PODXL: variants seen among roughly 807,000 people sequenced by gnomAD.
PODXL encodes podocalyxin like, also known as podocalyxin.
In PODXL, 20 loss-of-function variants were observed where a neutral mutation model predicts 48.9. The ratio of observed to expected loss-of-function variants is 0.41; its 90% CI spans 0.29 to 0.59. PODXL has a LOEUF of 0.59. Among genes scored for constraint, PODXL ranks in the 20% least tolerant of loss-of-function variants. The probability of loss-of-function intolerance (pLI) is 0.31; values close to 1 mark genes in which losing one functional copy is unlikely to be tolerated. For missense variants in PODXL, 606 were observed against 675.1 expected, an observed-to-expected ratio of 0.90 and a Z score of 1.13; for synonymous variants, 295 against 287.4, an observed-to-expected ratio of 1.03 and a Z score of -0.27.
intron 1 of PODXL, among the ~76,000 whole-genome samples, chr7:131,537,587 C>T (rs551065844): frequency 1.0e-4 from 2 of 19,782 alleles, no homozygotes; most frequent in Admixed American, 8.7e-4. Flanking sequence ...AGCAAGACTC[C>T]GCCCCACCCC....
intron 1 of PODXL, among the ~76,000 whole-genome samples, chr7:131,537,881 G>A (rs894908045): frequency 4.6e-5 from 7 of 152,142 alleles, no homozygotes; most frequent in Non-Finnish European, 7.3e-5. Flanking sequence ...CATCCTTCTC[G>A]TGGTGTGCGG....
chr7:131,529,988 G>A (rs912219785), intron 1 of PODXL, among the ~76,000 whole-genome samples: 30 of 127,806 alleles, frequency 2.3e-4, no homozygotes, highest in African/African-American at 7.2e-4. Context: ...GGGTATAGGC[G>A]GGGCCTTTCC....
intron 1 of PODXL, among the ~76,000 whole-genome samples, chr7:131,529,039 A>G (rs1283139725): frequency 6.6e-6 from 1 of 152,034 alleles, no homozygotes; most frequent in Non-Finnish European, 1.5e-5. Flanking sequence ...TGAGGGGCTG[A>G]TAAAGTTCAG....
chr7:131,509,880 A>C (rs962519113), intron 3 of PODXL, among the ~76,000 whole-genome samples: 5 of 152,170 alleles, frequency 3.3e-5, no homozygotes, highest in African/African-American at 9.7e-5. Context: ...CTATTTCATA[A>C]ACAAGGAAAC....
intron 1 of PODXL, among the ~76,000 whole-genome samples, chr7:131,544,659 GCACGCACGCCCTGTA>G (rs1798542067): frequency 7.3e-6 from 1 of 136,256 alleles, no homozygotes; most frequent in Non-Finnish European, 1.5e-5. Context: ...CCTGTACTAC[GCACGCACGCCCTGTA>G]CTACGCTTGG....
Position 131,544,654 on chromosome 7 carries a change from ACTACGCACGCACG to A in PODXL, c.100+11593_100+11605del, listed in dbSNP as rs1562917783. Among the ~76,000 whole-genome samples the A allele has an allele frequency of 1.7e-3, 28 of 16,678 alleles. No homozygotes were observed. The Admixed American group carries it at 0.047, about 28-fold the overall frequency. The allele number at this position is 16,678 out of a possible 152,430, so 10.9% of individuals were successfully genotyped here. On this transcript the variant is annotated intron_variant, in intron 1 of 8. Transcript: ENST00000378555. ...CAGGGCCTCCGCACGCACGCCCTGT[ACTACGCACGCACG>A]CCCTGTACTACGCTTGGCAGTGCCC...
chr7:131,517,821 C>T (rs1241364631), intron 1 of PODXL, among the ~76,000 whole-genome samples: 1 of 152,074 alleles, frequency 6.6e-6, no homozygotes, highest in African/African-American at 2.4e-5. Context: ...TCACTGCAAC[C>T]TCCGCTTTGT....
intron 1 of PODXL, among the ~76,000 whole-genome samples, chr7:131,547,044 A>G (rs930511435): frequency 2.0e-5 from 3 of 152,120 alleles, no homozygotes; most frequent in African/African-American, 7.2e-5. Context: ...GGGTCTGTTG[A>G]CTCACACTGG....
At chr7:131,509,115 G>A (rs1797864127) in intron 4 of PODXL, 87 bp from the exon 5 acceptor site, 3 of 1,217,762 alleles carry the variant, frequency 2.5e-6, no homozygotes, top group East Asian at 4.6e-5. Context: ...ACCCAGATAG[G>A]AAAGAGTTCA....
intron 1 of PODXL, among the ~76,000 whole-genome samples, chr7:131,515,274 CTTTG>C (rs1462519407): frequency 6.6e-6 from 1 of 152,168 alleles, no homozygotes; most frequent in Non-Finnish European, 1.5e-5. Context: ...CAAGGAGTCT[CTTTG>C]TTTGCAGCTG....
chr7:131,533,547 G>C (rs1295763191), intron 1 of PODXL, among the ~76,000 whole-genome samples: 1 of 152,218 alleles, frequency 6.6e-6, no homozygotes, highest in East Asian at 1.9e-4. Flanking sequence ...CCAGCGATGG[G>C]GAAGGGCAGC....
intron 7 of PODXL, 48 bp downstream of exon 7, chr7:131,506,212 C>A: frequency 1.2e-6 from 2 of 1,601,302 alleles, no homozygotes; most frequent in Non-Finnish European, 1.7e-6. Flanking sequence ...AGACCTCCCA[C>A]AAGGGGCTTC....
chr7:131,506,222 C>G (rs769741420), intron 7 of PODXL, 38 bp downstream of exon 7: 5 of 1,607,194 alleles, frequency 3.1e-6, no homozygotes, highest in Non-Finnish European at 4.3e-6. Flanking sequence ...CAAGGGGCTT[C>G]GGAGCCACTC....
chr7:131,524,347 AAC>A (rs1222175582), intron 1 of PODXL, among the ~76,000 whole-genome samples: 3 of 59,178 alleles, frequency 5.1e-5, no homozygotes, highest in African/African-American at 8.6e-5. Flanking sequence ...TTCAATAGGA[AAC>A]ACACACACAC....
At chr7:131,550,800 C>A (rs760577082) in intron 1 of PODXL, among the ~76,000 whole-genome samples, 19 of 151,290 alleles carry the variant, frequency 1.3e-4, no homozygotes, top group Non-Finnish European at 2.5e-4. Flanking sequence ...CACACACACA[C>A]GCACACACAC....
intron 1 of PODXL, among the ~76,000 whole-genome samples, chr7:131,524,390 A>AGAGAGAGAGAGAGAGT (rs1798145369): frequency 1.4e-5 from 2 of 138,014 alleles, no homozygotes; most frequent in Non-Finnish European, 3.2e-5. Flanking sequence ...AGAGAGAGAG[A>AGAGAGAGAGAGAGAGT]GAGAGAGAGA....
chr7:131,509,461 G>A lies in PODXL; in HGVS notation c.927C>T (p.Thr309=), dbSNP rs1380777759. Residue 309 remains threonine (T), a synonymous_variant, in exon 4 of 9, where the codon ACC becomes ACT. Coordinates refer to ENST00000378555, the MANE Select transcript of PODXL (RefSeq NM_001018111.3). ...TSPATALRTP[T]LPETMSSSPT... ...GGCTGGAGCTCATGGTCTCTGGCAG[G>A]GTAGGTGTTCTCAATGCCGTTGCCG... 5.0e-6 allele frequency: 8 copies of A among 1,613,976 alleles called. No homozygotes were observed. Among genetic ancestry groups the A allele is most frequent in the Non-Finnish European group, 6.8e-6 (8 of 1,179,994 alleles).
intron 1 of PODXL, among the ~76,000 whole-genome samples, chr7:131,517,430 G>A (rs573397848): frequency 2.0e-5 from 3 of 152,342 alleles, no homozygotes; most frequent in African/African-American, 7.2e-5. Flanking sequence ...CACAACGATA[G>A]AGAACGCAGC....
Position 131,554,691 on chromosome 7 carries a change from C to A in PODXL, c.100+1569G>T, listed in dbSNP as rs113610493. 2.1e-3 allele frequency among the ~76,000 whole-genome samples: 317 copies of A among 152,292 alleles called. 4 individuals are homozygous for A. Among genetic ancestry groups the A allele is most frequent in the Middle Eastern group, 6.8e-3 (2 of 294 alleles). On this transcript the variant is annotated intron_variant, in intron 1 of 8. Transcript: ENST00000378555. Reference sequence around the variant, plus strand: ...TTGTCCCACAGTGCCTCCCACTCCTCAAAGGAAGGGTGGCTCAGCTTCCTT... The same window carrying A: ...TTGTCCCACAGTGCCTCCCACTCCTAAAAGGAAGGGTGGCTCAGCTTCCTT...
Sources: allele counts gnomAD v4.1 joint callset (sites outside exome capture counted in the v4.1 genomes callset), GRCh38; gene constraint gnomAD v4.1.1; transcripts MANE v1.5; gene names NCBI Gene and HGNC (gene_info 2026-07-23, HGNC 2026-07-21).